Variants in ZSWIM5 observed in about 807,000 individuals in gnomAD.
ZSWIM5 encodes the protein zinc finger SWIM-type containing 5.
ZSWIM5 carries 55 observed loss-of-function variants against 119.6 expected under a neutral mutation model. That is an observed-to-expected ratio of 0.46 (90% CI 0.37 to 0.58). ZSWIM5 has a LOEUF of 0.58. Among genes scored for constraint, ZSWIM5 ranks in the 20% least tolerant of loss-of-function variants. The pLI is 0.00. For missense variants in ZSWIM5, 1,193 were observed against 1,512.8 expected, an observed-to-expected ratio of 0.79 and a Z score of 3.51; for synonymous variants, 537 against 606.9, an observed-to-expected ratio of 0.88 and a Z score of 1.69.
chr1:45,176,088 T>C (rs1645979373), intron 1 of ZSWIM5, among the ~76,000 whole-genome samples: 1 of 150,540 alleles, frequency 6.6e-6, no homozygotes, highest in Non-Finnish European at 1.5e-5. Flanking sequence ...TGCTTATTGC[T>C]ATTGGGATAT....
intron 1 of ZSWIM5, among the ~76,000 whole-genome samples, chr1:45,156,268 T>C (rs1645826503): frequency 6.6e-6 from 1 of 151,472 alleles, no homozygotes; most frequent in African/African-American, 2.4e-5. Context: ...ATGGCAATAT[T>C]AGACACTGGG....
chr1:45,150,396 A>G (rs926848528), intron 1 of ZSWIM5, among the ~76,000 whole-genome samples: 2 of 152,126 alleles, frequency 1.3e-5, no homozygotes, highest in Non-Finnish European at 2.9e-5. Flanking sequence ...TGCTAGTAGT[A>G]TGTAAAATGG....
chr1:45,111,703 A>C (rs1051482310), intron 1 of ZSWIM5, among the ~76,000 whole-genome samples: 1 of 152,246 alleles, frequency 6.6e-6, no homozygotes, highest in Non-Finnish European at 1.5e-5. Context: ...GCTGTATCTT[A>C]CGCTGTATCA....
At chr1:45,082,244 T>C (rs2149009227) in intron 2 of ZSWIM5, among the ~76,000 whole-genome samples, 1 of 151,434 alleles carries the variant, frequency 6.6e-6, no homozygotes, top group East Asian at 1.9e-4. Context: ...TTCACTTGTT[T>C]ATCTGCTGAC....
chr1:45,096,224 G>A (rs1192317919), intron 1 of ZSWIM5, among the ~76,000 whole-genome samples: 1 of 151,992 alleles, frequency 6.6e-6, no homozygotes, highest in East Asian at 1.9e-4. Context: ...CAATAGGCAG[G>A]TATAAAGAGA....
intron 11 of ZSWIM5, among the ~76,000 whole-genome samples, chr1:45,028,873 A>G (rs2148989041): frequency 6.6e-6 from 1 of 152,360 alleles, no homozygotes; most frequent in African/African-American, 2.4e-5. Context: ...ACTTGAGGCC[A>G]GGAGTTCAAG....
At chr1:45,067,950 G>A (rs534130841) in intron 2 of ZSWIM5, among the ~76,000 whole-genome samples, 46 of 152,220 alleles carry the variant, frequency 3.0e-4, no homozygotes, top group Middle Eastern at 3.4e-3. Context: ...ATGGTGACAA[G>A]TGAAGATAAG....
chr1:45,149,987 A>G (rs1186011451), intron 1 of ZSWIM5, among the ~76,000 whole-genome samples: 1 of 151,908 alleles, frequency 6.6e-6, no homozygotes, highest in Admixed American at 6.6e-5. Flanking sequence ...CAGGAAACAT[A>G]GCAAGACCAC....
chr1:45,100,444 G>C (rs1399917139), intron 1 of ZSWIM5, among the ~76,000 whole-genome samples: 1 of 152,122 alleles, frequency 6.6e-6, no homozygotes, highest in Non-Finnish European at 1.5e-5. Context: ...TGGATAGGAA[G>C]AATCAGTATC....
rs1303811873 is a variant in ZSWIM5 at position 45,080,217 on chromosome 1, C to G, written c.952+7664G>C. Among the ~76,000 whole-genome samples the G allele has an allele frequency of 2.0e-5, 3 of 152,190 alleles. No individual in the cohort carries two copies. In the East Asian group the frequency reaches 5.8e-4, roughly 29 times the overall value. ...TAGGACTTGCCTAGGAGTTGCAGTC[C>G]TTGCGGCCTAGACTGCCTTTCGAGT... On this transcript the variant is annotated intron_variant, in intron 2 of 13. Transcript: ENST00000359600.
intron 1 of ZSWIM5, among the ~76,000 whole-genome samples, chr1:45,112,845 G>A (rs1305638865): frequency 6.6e-6 from 1 of 152,208 alleles, no homozygotes; most frequent in African/African-American, 2.4e-5. Context: ...AAGGCAAAGA[G>A]TAGCTCATGG....
At chr1:45,067,014 T>C (rs528000419) in intron 2 of ZSWIM5, among the ~76,000 whole-genome samples, 1 of 152,290 alleles carries the variant, frequency 6.6e-6, no homozygotes, top group East Asian at 1.9e-4. Context: ...ATATGGTGAA[T>C]ACAGGAGGAT....
chr1:45,022,444 T>G (rs537308089), intron 11 of ZSWIM5, among the ~76,000 whole-genome samples: 1 of 152,270 alleles, frequency 6.6e-6, no homozygotes, highest in African/African-American at 2.4e-5. Flanking sequence ...TGATTCTATT[T>G]TTATAAAAAA....
intron 1 of ZSWIM5, among the ~76,000 whole-genome samples, chr1:45,146,252 A>G (rs189194759): frequency 6.6e-6 from 1 of 152,142 alleles, no homozygotes; most frequent in Admixed American, 6.5e-5. Flanking sequence ...GGAATATCCA[A>G]TAGAGAATAA....
At chr1:45,039,932 C>T (rs1280163542) in intron 7 of ZSWIM5, among the ~76,000 whole-genome samples, 1 of 151,846 alleles carries the variant, frequency 6.6e-6, no homozygotes, top group Admixed American at 6.6e-5. Context: ...TCTCGAACTC[C>T]CGACCTCAGG....
chr1:45,120,508 C>A (rs1645584719), intron 1 of ZSWIM5, among the ~76,000 whole-genome samples: 1 of 152,192 alleles, frequency 6.6e-6, no homozygotes, highest in South Asian at 2.1e-4. Context: ...GTTGCCCAGG[C>A]TGGAGAGTGC....
chr1:45,098,758 A>T (rs995222385), intron 1 of ZSWIM5, among the ~76,000 whole-genome samples: 1 of 152,188 alleles, frequency 6.6e-6, no homozygotes, highest in Non-Finnish European at 1.5e-5. Flanking sequence ...TCAAAACCGC[A>T]CAACTACATG....
At chr1:45,176,579 G>A (rs541893528) in intron 1 of ZSWIM5, among the ~76,000 whole-genome samples, 20 of 152,114 alleles carry the variant, frequency 1.3e-4, no homozygotes, top group Admixed American at 2.6e-4. Flanking sequence ...CTACATTTTA[G>A]CTACTTTTTC....
intron 11 of ZSWIM5, among the ~76,000 whole-genome samples, chr1:45,024,846 G>A (rs1346039365): frequency 6.6e-6 from 1 of 151,764 alleles, no homozygotes; most frequent in African/African-American, 2.4e-5. Flanking sequence ...GTAGAGATGA[G>A]GTTTCACCAT....
Sources: gnomAD v4.1 joint callset for allele counts (sites outside exome capture counted in the v4.1 genomes callset) on GRCh38, gnomAD v4.1.1 for gene constraint, MANE v1.5 for transcripts, NCBI Gene and HGNC (gene_info 2026-07-23, HGNC 2026-07-21) for gene names.